CAMK1D: variants seen among roughly 807,000 people sequenced by gnomAD.
The protein encoded by CAMK1D is calcium/calmodulin-dependent protein kinase type 1D.
Under a neutral mutation model 47.7 loss-of-function variants are expected in CAMK1D, and 9 were observed. The observed-to-expected ratio is 0.19, with a 90% CI of 0.11 to 0.33. The LOEUF (loss-of-function observed/expected upper bound fraction) is 0.33, where lower values mean the gene tolerates loss of function less well. CAMK1D is among the 10% of genes least tolerant of loss of function. The pLI is 1.00. For missense variants in CAMK1D, 291 were observed against 488.7 expected, an observed-to-expected ratio of 0.60 and a Z score of 3.81; for synonymous variants, 184 against 184.9, an observed-to-expected ratio of 0.99 and a Z score of 0.04.
At chr10:12,570,455 G>A (rs1187336554) in intron 2 of CAMK1D, among the ~76,000 whole-genome samples, 2 of 151,810 alleles carry the variant, frequency 1.3e-5, no homozygotes, top group Non-Finnish European at 2.9e-5. Context: ...GAGATGGGTG[G>A]ATCACCTGAG....
chr10:12,699,921 G>C (rs1370075305), intron 3 of CAMK1D, among the ~76,000 whole-genome samples: 2 of 151,794 alleles, frequency 1.3e-5, no homozygotes, highest in Non-Finnish European at 2.9e-5. Context: ...TCAAAATGAC[G>C]TCTTTTCCTT....
At chr10:12,398,629 A>G (rs9787464) in intron 1 of CAMK1D, among the ~76,000 whole-genome samples, 8,829 of 152,270 alleles carry the variant, frequency 0.058, 293 homozygotes, top group South Asian at 0.13. Flanking sequence ...GATTACGGGC[A>G]TGAGCCACCG....
intron 2 of CAMK1D, among the ~76,000 whole-genome samples, chr10:12,617,204 C>A (rs1024659150): frequency 6.6e-6 from 1 of 152,120 alleles, no homozygotes; most frequent in Non-Finnish European, 1.5e-5. Flanking sequence ...CCAAAGGAAT[C>A]GTGACTGTTA....
chr10:12,822,479 GTA>G (rs1302172129), intron 8 of CAMK1D, among the ~76,000 whole-genome samples: 2 of 152,256 alleles, frequency 1.3e-5, no homozygotes, highest in Non-Finnish European at 2.9e-5. Flanking sequence ...GGGACACAGA[GTA>G]TAGGCAGCAG....
intron 3 of CAMK1D, among the ~76,000 whole-genome samples, chr10:12,722,255 A>G (rs1002787189): frequency 1.3e-5 from 2 of 151,776 alleles, no homozygotes; most frequent in Admixed American, 6.6e-5. Flanking sequence ...CATCCCGGGG[A>G]TAACACAGTG....
At chr10:12,504,087 A>C (rs1472348577) in intron 1 of CAMK1D, among the ~76,000 whole-genome samples, 1 of 151,926 alleles carries the variant, frequency 6.6e-6, no homozygotes. Flanking sequence ...TCCAGTAAAC[A>C]TAAACGGAAC....
intron 1 of CAMK1D, among the ~76,000 whole-genome samples, chr10:12,452,480 G>A (rs1006334592): frequency 1.3e-5 from 2 of 151,268 alleles, no homozygotes; most frequent in African/African-American, 4.9e-5. Flanking sequence ...TATTTATAAT[G>A]TATAAATATA....
intron 2 of CAMK1D, among the ~76,000 whole-genome samples, chr10:12,664,253 C>G (rs994163087): frequency 6.6e-6 from 1 of 152,164 alleles, no homozygotes; most frequent in African/African-American, 2.4e-5. Context: ...AGACACATAG[C>G]AGAAACGCAG....
chr10:12,402,498 G>A (rs1839265724), intron 1 of CAMK1D, among the ~76,000 whole-genome samples: 1 of 152,172 alleles, frequency 6.6e-6, no homozygotes, highest in South Asian at 2.1e-4. Flanking sequence ...TCCCAAGTGG[G>A]ACTTTTTATG....
chr10:12,425,666 T>A (rs1840206650), intron 1 of CAMK1D, among the ~76,000 whole-genome samples: 1 of 152,224 alleles, frequency 6.6e-6, no homozygotes, highest in Non-Finnish European at 1.5e-5. Flanking sequence ...TGCTTATTTA[T>A]CCTGTTCCTC....
At chr10:12,414,229 T>C (rs1839768801) in intron 1 of CAMK1D, among the ~76,000 whole-genome samples, 1 of 152,242 alleles carries the variant, frequency 6.6e-6, no homozygotes, top group Admixed American at 6.5e-5. Flanking sequence ...CATGCGTTTA[T>C]TAGTTTTGCT....
intron 1 of CAMK1D, among the ~76,000 whole-genome samples, chr10:12,395,866 G>T (rs1433964123): frequency 6.6e-6 from 1 of 151,840 alleles, no homozygotes; most frequent in African/African-American, 2.4e-5. Context: ...GGCGGAGGTT[G>T]CTGTGGGCCG....
intron 2 of CAMK1D, among the ~76,000 whole-genome samples, chr10:12,569,166 T>G (rs1837236896): frequency 6.6e-6 from 1 of 152,234 alleles, no homozygotes; most frequent in South Asian, 2.1e-4. Flanking sequence ...CTGTATTCTC[T>G]ATACTCAATC....
intron 2 of CAMK1D, among the ~76,000 whole-genome samples, chr10:12,604,494 G>C (rs1385284998): frequency 1.3e-5 from 2 of 152,172 alleles, no homozygotes; most frequent in African/African-American, 2.4e-5. Flanking sequence ...ACGCCATCAG[G>C]GTGCTTGGCT....
At chr10:12,688,715 G>A (rs7909897) in intron 3 of CAMK1D, among the ~76,000 whole-genome samples, 4 of 151,912 alleles carry the variant, frequency 2.6e-5, no homozygotes, top group African/African-American at 4.8e-5. Context: ...ACAGAGTTTC[G>A]CTCTTGTCGC....
chr10:12,511,788 C>G (rs1224891843), intron 1 of CAMK1D, among the ~76,000 whole-genome samples: 2 of 152,234 alleles, frequency 1.3e-5, no homozygotes, highest in Non-Finnish European at 2.9e-5. Context: ...AGGATCGGCT[C>G]TCCTGGATAG....
chr10:12,464,004 G>A (rs1833516562), intron 1 of CAMK1D, among the ~76,000 whole-genome samples: 1 of 151,902 alleles, frequency 6.6e-6, no homozygotes, highest in African/African-American at 2.4e-5. Context: ...GTTTCCCGAG[G>A]CCTCCCCAGC....
intron 1 of CAMK1D, among the ~76,000 whole-genome samples, chr10:12,518,155 G>A (rs181138449): frequency 1.3e-3 from 195 of 152,068 alleles, no homozygotes; most frequent in Middle Eastern, 6.8e-3. Context: ...TCTAAGCTAC[G>A]CAAAGCTAAG....
chr10:12,396,045 T>C (rs1029506340), intron 1 of CAMK1D, among the ~76,000 whole-genome samples: 1 of 152,004 alleles, frequency 6.6e-6, no homozygotes, highest in Non-Finnish European at 1.5e-5. Flanking sequence ...GGCTAATTTT[T>C]GTATTTTTAG....
Sources: gnomAD v4.1 joint callset for allele counts (sites outside exome capture counted in the v4.1 genomes callset) on GRCh38, gnomAD v4.1.1 for gene constraint, MANE v1.5 for transcripts, NCBI Gene and HGNC (gene_info 2026-07-23, HGNC 2026-07-21) for gene names.